The following ARHGEF3 variants were observed in gnomAD, a reference collection of about 807,000 sequenced individuals.
ARHGEF3 encodes 59.8 kDA protein.
A neutral mutation model predicts 63.2 loss-of-function variants in ARHGEF3; 28 were observed. The ratio of observed to expected loss-of-function variants is 0.44; its 90% CI spans 0.33 to 0.61. The LOEUF (loss-of-function observed/expected upper bound fraction) is 0.61, where lower values mean the gene tolerates loss of function less well. Among genes scored for constraint, ARHGEF3 ranks in the 20% least tolerant of loss-of-function variants. ARHGEF3 has a pLI of 0.03. For synonymous variants in ARHGEF3, 266 were observed against 254.2 expected, an observed-to-expected ratio of 1.05 and a Z score of -0.44; for missense variants, 533 against 659.3, an observed-to-expected ratio of 0.81 and a Z score of 2.10.
At chr3:56,748,405 T>G (rs946972016) in intron 6 of ARHGEF3, among the ~76,000 whole-genome samples, 3 of 152,062 alleles carry the variant, frequency 2.0e-5, no homozygotes, top group Non-Finnish European at 4.4e-5. Context: ...AAAACGAGAG[T>G]CTGAAGCTTG....
intron 4 of ARHGEF3, among the ~76,000 whole-genome samples, chr3:56,868,195 C>T (rs1055837407): frequency 6.6e-6 from 1 of 152,080 alleles, no homozygotes; most frequent in Admixed American, 6.5e-5. Context: ...CTTCTAGAGC[C>T]TAATGCCTAA....
At chr3:56,784,643 G>A (rs2036714542) in intron 1 of ARHGEF3, among the ~76,000 whole-genome samples, 1 of 152,224 alleles carries the variant, frequency 6.6e-6, no homozygotes, top group Non-Finnish European at 1.5e-5. Flanking sequence ...AGGAGGAAAA[G>A]GATGCCACTG....
chr3:56,814,730 T>C (rs983237125), intron 4 of ARHGEF3, among the ~76,000 whole-genome samples: 1 of 152,120 alleles, frequency 6.6e-6, no homozygotes, highest in Admixed American at 6.5e-5. Flanking sequence ...ACTCCTTGCT[T>C]CCAAAGACAT....
chr3:56,729,356 T>G lies in ARHGEF3; in HGVS notation c.1495A>C (p.Thr499Pro). ...TCACAGTCGAGGCTGACCTCACTCG[T>G]GTCCATACTACAGTCTGACTCACTG... Reference protein sequence around the residue: ...SDSESDCSMDTSEVSLDCERM... With the variant: ...SDSESDCSMDPSEVSLDCERM... The change falls in exon 10 of 10, where the codon ACG becomes CCG. Residue 499 changes from threonine (T) to proline (P), a missense_variant. This residue lies in a region of ARHGEF3 where 115 missense variants were observed against 103.4 expected (regional missense o/e 1.11). Coordinates refer to ENST00000296315, the MANE Select transcript of ARHGEF3 (RefSeq NM_019555.3). The G allele has an allele frequency of 6.2e-7, 1 of 1,614,136 alleles. No individual in the cohort carries two copies. The highest frequency in any genetic ancestry group is 8.5e-7 in the Non-Finnish European group (1 of 1,180,008).
intron 7 of ARHGEF3, among the ~76,000 whole-genome samples, chr3:56,741,880 G>A (rs1317771798): frequency 6.6e-6 from 1 of 152,192 alleles, no homozygotes; most frequent in East Asian, 1.9e-4. Context: ...GCTGCCAATA[G>A]CCAGTCAACA....
chr3:56,769,801 T>C (rs1282670291), intron 2 of ARHGEF3, among the ~76,000 whole-genome samples: 1 of 152,088 alleles, frequency 6.6e-6, no homozygotes. Flanking sequence ...GAGACATAAT[T>C]GAATATCCAA....
chr3:56,773,872 A>G, intron 1 of ARHGEF3, 56 bp from the exon 2 acceptor site: 3 of 1,395,184 alleles, frequency 2.2e-6, no homozygotes, highest in South Asian at 1.3e-5. Flanking sequence ...CAAAGACAAC[A>G]TAACTCCATC....
At chr3:56,957,152 G>C (rs1700078214) in intron 3 of ARHGEF3, among the ~76,000 whole-genome samples, 1 of 152,186 alleles carries the variant, frequency 6.6e-6, no homozygotes, top group Non-Finnish European at 1.5e-5. Flanking sequence ...AAATGACTTA[G>C]GAAGTGCATG....
chr3:56,780,924 G>GT (rs1449184425), intron 1 of ARHGEF3, among the ~76,000 whole-genome samples: 1 of 152,194 alleles, frequency 6.6e-6, no homozygotes, highest in Non-Finnish European at 1.5e-5. Context: ...AAAGATAAGT[G>GT]TAAGTTCTTA....
chr3:57,015,831 T>C (rs1218475872), intron 2 of ARHGEF3, among the ~76,000 whole-genome samples: 1 of 152,078 alleles, frequency 6.6e-6, no homozygotes, highest in African/African-American at 2.4e-5. Flanking sequence ...CCCTAGACAC[T>C]TCGCCACCCT....
At chr3:56,790,853 T>A (rs1578519858) in intron 1 of ARHGEF3, among the ~76,000 whole-genome samples, 2 of 152,196 alleles carry the variant, frequency 1.3e-5, no homozygotes, top group South Asian at 4.1e-4. Context: ...CGTCTTCCTC[T>A]AGGAAGACTC....
intron 1 of ARHGEF3, among the ~76,000 whole-genome samples, chr3:57,050,117 AACTAAGGCCTG>A (rs1436266848): frequency 6.6e-6 from 1 of 152,082 alleles, no homozygotes; most frequent in Admixed American, 6.5e-5. Context: ...TCCAATCAGC[AACTAAGGCCTG>A]ACCCTTCTCC....
chr3:56,957,046 C>G (rs1315434325), intron 3 of ARHGEF3, among the ~76,000 whole-genome samples: 1 of 152,130 alleles, frequency 6.6e-6, no homozygotes, highest in African/African-American at 2.4e-5. Context: ...CAGTATGTCC[C>G]AAATAGATCT....
At chr3:56,745,982 T>C (rs2034361074) in intron 6 of ARHGEF3, among the ~76,000 whole-genome samples, 1 of 152,244 alleles carries the variant, frequency 6.6e-6, no homozygotes, top group Non-Finnish European at 1.5e-5. Context: ...TAACGAACAA[T>C]TTAAGCTTAA....
At chr3:56,995,673 A>T (rs1453643600) in intron 2 of ARHGEF3, among the ~76,000 whole-genome samples, 11 of 93,476 alleles carry the variant, frequency 1.2e-4, no homozygotes, top group South Asian at 3.1e-4. Flanking sequence ...GAGAGAGAGA[A>T]TTTTTTTTAA....
chr3:56,852,261 G>T (rs943296889), intron 4 of ARHGEF3, among the ~76,000 whole-genome samples: 1 of 152,162 alleles, frequency 6.6e-6, no homozygotes, highest in Admixed American at 6.5e-5. Context: ...GAAGTCTCCA[G>T]GGCCCCATGG....
chr3:56,938,195 A>T (rs1698994616), intron 3 of ARHGEF3, among the ~76,000 whole-genome samples: 1 of 152,152 alleles, frequency 6.6e-6, no homozygotes, highest in Admixed American at 6.5e-5. Flanking sequence ...AGTTGTGTTC[A>T]TTGAGATTTC....
chr3:56,895,707 C>A (rs2041280052), intron 3 of ARHGEF3, among the ~76,000 whole-genome samples: 1 of 152,172 alleles, frequency 6.6e-6, no homozygotes, highest in Non-Finnish European at 1.5e-5. Flanking sequence ...TTGTGATCCA[C>A]CTGCCTCGGC....
chr3:56,956,370 C>A (rs1418717203), intron 3 of ARHGEF3, among the ~76,000 whole-genome samples: 1 of 152,000 alleles, frequency 6.6e-6, no homozygotes, highest in African/African-American at 2.4e-5. Flanking sequence ...TTCCTGAGTC[C>A]CTAAGATTAC....
Sources: allele counts gnomAD v4.1 joint callset (sites outside exome capture counted in the v4.1 genomes callset), GRCh38; gene constraint gnomAD v4.1.1; regional missense constraint gnomAD v4.1.1; transcripts MANE v1.5; gene names NCBI Gene and HGNC (gene_info 2026-07-23, HGNC 2026-07-21).